Variants in TBX18 observed in about 807,000 individuals in gnomAD.
TBX18 encodes T-box transcription factor TBX18.
In TBX18, 21 loss-of-function variants were observed where a neutral mutation model predicts 55.0. The observed-to-expected ratio is 0.38, with a 90% CI of 0.27 to 0.55. The LOEUF is 0.55. TBX18 is among the 20% of genes least tolerant of loss of function. The pLI is 0.73. For synonymous variants in TBX18, 342 were observed against 326.1 expected (o/e 1.05, Z -0.53); for missense variants, 840 against 799.6 (o/e 1.05, Z -0.61).
At chr6:84,745,704 C>T (rs911999831) in intron 5 of TBX18, among the ~76,000 whole-genome samples, 5 of 152,024 alleles carry the variant, frequency 3.3e-5, no homozygotes, top group African/African-American at 1.2e-4. Context: ...AAACATTAAG[C>T]AATGTAAATG....
intron 2 of TBX18, among the ~76,000 whole-genome samples, chr6:84,761,533 A>T (rs1384675718): frequency 6.6e-6 from 1 of 152,186 alleles, no homozygotes; most frequent in Non-Finnish European, 1.5e-5. Flanking sequence ...TAGCATATGG[A>T]TTCAATAAAA....
intron 4 of TBX18, among the ~76,000 whole-genome samples, chr6:84,753,046 T>A (rs1767391655): frequency 6.6e-6 from 1 of 152,184 alleles, no homozygotes; most frequent in African/African-American, 2.4e-5. Flanking sequence ...CTCTTCTGCA[T>A]ATGGGTAGCT....
At chr6:84,743,825 G>C (rs1482361066) in intron 6 of TBX18, among the ~76,000 whole-genome samples, 1 of 152,186 alleles carries the variant, frequency 6.6e-6, no homozygotes, top group Non-Finnish European at 1.5e-5. Context: ...TGGCAATGGA[G>C]AGTAGTTTCA....
intron 1 of TBX18, chr6:84,763,288 C>A: frequency 2.3e-6 from 1 of 434,070 alleles, no homozygotes; most frequent in South Asian, 1.7e-5. Flanking sequence ...GAAGGCTCTT[C>A]AGACCCCGCT....
Position 84,733,894 on chromosome 6 carries a change from C to T in TBX18, c.*2791G>A, listed in dbSNP as rs1167882907. 2.0e-5 allele frequency: 3 copies of T among 152,110 alleles called. No homozygotes were observed. The highest frequency in any genetic ancestry group is 7.2e-5 in the African/African-American group (3 of 41,420). 9.4% of individuals were successfully genotyped at this position (152,110 alleles called of 1,614,324 possible). On this transcript the variant is annotated 3_prime_UTR_variant, in exon 8 of 8. Transcript: ENST00000369663. ...TCCTTATATAGGTTACACTGTGCCC[C>T]AACCTTCTCTGGGGGCCACCAAGGA...
intron 2 of TBX18, among the ~76,000 whole-genome samples, 175 bp from the exon 3 acceptor site, chr6:84,760,531 A>AT (rs1767621838): frequency 6.6e-6 from 1 of 152,200 alleles, no homozygotes; most frequent in African/African-American, 2.4e-5. Context: ...CAGAACTGAG[A>AT]TTTTTAAATG....
chr6:84,735,668 T>A lies in TBX18; in HGVS notation c.*1017A>T. The A allele has an allele frequency of 1.3e-5, 2 of 152,214 alleles. No homozygotes were observed. The highest frequency in any genetic ancestry group is 2.9e-5 in the Non-Finnish European group (2 of 68,038). 9.4% of individuals were successfully genotyped at this position (152,214 alleles called of 1,614,324 possible). On this transcript the variant is annotated 3_prime_UTR_variant, in exon 8 of 8. Transcript: ENST00000369663. ...ATAAATAAGTAGCATAAATGCATTTTTTTTACTTATATACTATCGGTCAGG... is the reference window on the plus strand; with the variant it reads ...ATAAATAAGTAGCATAAATGCATTTATTTTACTTATATACTATCGGTCAGG...
chr6:84,763,373 C>A, intron 1 of TBX18: 2 of 457,610 alleles, frequency 4.4e-6, no homozygotes, highest in Non-Finnish European at 8.8e-6. Context: ...CGGTCGCCGT[C>A]GGCCTTGGCA....
intron 7 of TBX18, 51 bp downstream of exon 7, chr6:84,738,446 T>G: frequency 7.2e-7 from 1 of 1,395,950 alleles, no homozygotes; most frequent in Non-Finnish European, 1.0e-6. Flanking sequence ...GTGCCTGAGT[T>G]TCTAGGCAGG....
At chr6:84,763,798 T>C (rs955040251) in intron 1 of TBX18, 92 bp downstream of exon 1, 15 of 1,426,380 alleles carry the variant, frequency 1.1e-5, no homozygotes, top group Non-Finnish European at 1.4e-5. Context: ...GCCTTGGCCA[T>C]GTAGGGACGC....
In TBX18 at chr6:84,748,097, A is replaced by C; in HGVS notation, c.772-10T>G. The C allele has an allele frequency of 6.3e-7, 1 of 1,587,324 alleles. No homozygotes were observed. The highest frequency in any genetic ancestry group is 8.6e-7 in the Non-Finnish European group (1 of 1,161,380). ...TAGAATGAAGAATAATCTATATCAA[A>C]GAAGGAAAAGCTGAATTTATCAGAA... On this transcript the variant is annotated splice_polypyrimidine_tract_variant and intron_variant, in intron 4 of 7. Coordinates refer to ENST00000369663, the MANE Select transcript of TBX18 (RefSeq NM_001080508.3).
intron 4 of TBX18, among the ~76,000 whole-genome samples, chr6:84,752,044 CA>C (rs1248387659): frequency 1.3e-5 from 2 of 152,164 alleles, no homozygotes; most frequent in Admixed American, 1.3e-4. Flanking sequence ...GTGTAATGTT[CA>C]GTGCTCTCTG....
chr6:84,760,409 G>T, intron 2 of TBX18, 53 bp from the exon 3 acceptor site: 1 of 1,264,428 alleles, frequency 7.9e-7, no homozygotes, highest in Non-Finnish European at 1.1e-6. Context: ...TTGTGACTAA[G>T]GATGGAGCGT....
chr6:84,736,547 CA>C lies in TBX18; in HGVS notation c.*137del. On this transcript the variant is annotated 3_prime_UTR_variant, in exon 8 of 8. Coordinates refer to ENST00000369663, the MANE Select transcript of TBX18 (RefSeq NM_001080508.3). ...AATTACAATCTCACCATGATAAAGT[CA>C]AAAAACCCAGTGAGCCTTCATTTTC... The C allele has an allele frequency of 9.7e-7, 1 of 1,032,490 alleles. No individual in the cohort carries two copies. The highest frequency in any genetic ancestry group is 1.3e-6 in the Non-Finnish European group (1 of 749,578). 64.0% of individuals were successfully genotyped at this position (1,032,490 alleles called of 1,614,324 possible).
At chr6:84,738,639 G>C (rs369463822) in intron 6 of TBX18, 48 bp from the exon 7 acceptor site, 1 of 1,391,822 alleles carries the variant, frequency 7.2e-7, no homozygotes, top group African/African-American at 1.4e-5. Flanking sequence ...AGTCTAGTTA[G>C]GAGCATTTGG....
rs191666281 is a variant in TBX18 at position 84,733,254 on chromosome 6, G to T, written c.*3431C>A. ...TTAAGGTTTGAACTCTTAGAATGCT[G>T]TAATCATGTATGAGTACTTAACTGC... On this transcript the variant is annotated 3_prime_UTR_variant, in exon 8 of 8. Transcript: ENST00000369663. 1.3e-5 allele frequency: 2 copies of T among 152,146 alleles called. No homozygotes were observed. The highest frequency in any genetic ancestry group is 6.5e-5 in the Admixed American group (1 of 15,268). The allele number at this position is 152,146 out of a possible 1,614,324, so 9.4% of individuals were successfully genotyped here. A position where few individuals can be genotyped will look rare whatever the true frequency, so the allele number is the denominator to read the frequency against.
intron 6 of TBX18, chr6:84,741,362 G>C (rs540786648): frequency 6.6e-6 from 1 of 152,090 alleles, no homozygotes. Context: ...TGTTTTTCCT[G>C]AAGTATTTAA....
At chr6:84,761,411 T>C (rs1238318558) in intron 2 of TBX18, among the ~76,000 whole-genome samples, 1 of 152,192 alleles carries the variant, frequency 6.6e-6, no homozygotes, top group Non-Finnish European at 1.5e-5. Context: ...AGTGCACCTG[T>C]AAGATAAAGA....
chr6:84,744,659 T>C (rs9344423), intron 5 of TBX18, among the ~76,000 whole-genome samples: 100,304 of 151,966 alleles, frequency 0.66, 33,682 homozygotes, highest in African/African-American at 0.77. Context: ...CCCTCTGAAC[T>C]GAAGTTCTTC....
Sources: allele counts gnomAD v4.1 joint callset (sites outside exome capture counted in the v4.1 genomes callset), GRCh38; gene constraint gnomAD v4.1.1; transcripts MANE v1.5; gene names NCBI Gene and HGNC (gene_info 2026-07-23, HGNC 2026-07-21).